Variants in HOOK2 observed in about 807,000 individuals in gnomAD.
HOOK2 encodes the protein protein Hook homolog 2.
Under a neutral mutation model 111.9 loss-of-function variants are expected in HOOK2, and 108 were observed. The observed-to-expected ratio is 0.96, with a 90% CI of 0.83 to 1.13. The LOEUF (loss-of-function observed/expected upper bound fraction) is 1.13. Among genes scored for constraint, HOOK2 ranks in the 50% most tolerant of loss-of-function variants. The pLI is 0.00. For synonymous variants in HOOK2, 405 were observed against 394.3 expected (o/e 1.03, Z -0.32); for missense variants, 978 against 951.3 (o/e 1.03, Z -0.37).
chr19:12,772,506 G>A, intron 6 of HOOK2, 107 bp downstream of exon 6: 2 of 1,271,286 alleles, frequency 1.6e-6, no homozygotes, highest in Non-Finnish European at 2.2e-6. Flanking sequence ...TGAGTTCCAG[G>A]CAGAGTCCAG....
chr19:12,791,563 A>G lies in HOOK2; in HGVS notation n.42-17338T>C, dbSNP rs17886698. ...TGGGGGAAACGACGCCAGGAAAGCT[A>G]TCGCGCCAGAGAGGGCGACGGGGGC... On this transcript the variant is annotated intron_variant and non_coding_transcript_variant, in intron 3 of 3. Coordinates refer to the HOOK2 transcript ENST00000589765. This position sits in a 1 kb window ranked among gnomAD's most constrained non-coding sequence, Gnocchi z 7.0. 22,692 of 492,628 alleles carry G rather than the reference A, an allele frequency of 0.046. 755 individuals are homozygous for G. Among genetic ancestry groups the G allele is most frequent in the African/African-American group, 0.12 (5,827 of 48,722 alleles). 30.5% of individuals were successfully genotyped at this position (492,628 alleles called of 1,614,324 possible).
intron 14 of HOOK2, 40 bp downstream of exon 14, chr19:12,767,355 A>T: frequency 6.3e-7 from 1 of 1,579,674 alleles, no homozygotes; most frequent in East Asian, 2.2e-5. Context: ...GGCCTTGGCA[A>T]GCCTGGGTGG....
At chr19:12,789,000 G>T (rs1968680866) in intron 3 of HOOK2, among the ~76,000 whole-genome samples, 1 of 152,136 alleles carries the variant, frequency 6.6e-6, no homozygotes, top group Admixed American at 6.5e-5. Flanking sequence ...ACTTCCCCCT[G>T]CCCCCACATA....
upstream of HOOK2, among the ~76,000 whole-genome samples, chr19:12,782,676 G>C (rs1968616397): frequency 6.6e-6 from 1 of 152,134 alleles, no homozygotes; most frequent in Non-Finnish European, 1.5e-5. Context: ...CGGTGGCGGG[G>C]GCTGGGCGAG....
At chr19:12,775,932 A>C (rs558911961), upstream of HOOK2, among the ~76,000 whole-genome samples, 17 of 125,444 alleles carry the variant, frequency 1.4e-4, no homozygotes, top group South Asian at 3.9e-3. Context: ...GCTGGAGTGC[A>C]GTGGCGCAAT....
chr19:12,769,295 T>G (rs2145747662), intron 11 of HOOK2, among the ~76,000 whole-genome samples: 1 of 151,274 alleles, frequency 6.6e-6, no homozygotes, highest in African/African-American at 2.4e-5. Context: ...AGAGACAGGG[T>G]TTTGCTATGT....
chr19:12,770,113 G>A (rs1599489100), intron 10 of HOOK2, 31 bp from the exon 11 acceptor site: 1 of 1,459,032 alleles, frequency 6.9e-7, no homozygotes, highest in South Asian at 1.3e-5. Context: ...GGGGAGGGCT[G>A]AGAGCTCTGA....
In HOOK2 at chr19:12,771,469, C is replaced by T; in HGVS notation, c.528G>A (p.Arg176=). 1 of 1,612,026 alleles carries T rather than the reference C, an allele frequency of 6.2e-7. No homozygotes were observed. Residue 176 remains arginine, a synonymous_variant, in exon 8 of 23, where the codon AGG becomes AGA. Transcript: ENST00000397668. ...CAGCCTCCTCACTTAGGAAATAGTA[C>T]CTGCGGGACTGCAGAGATGAGGGGG... ...TYGNFDSQSR[R]YYFLSEEAEE... is the part of the protein sequence containing the mutation.
chr19:12,774,879 G>T lies in HOOK2; in HGVS notation c.64C>A (p.Pro22Thr). The T allele has an allele frequency of 6.2e-7, 1 of 1,613,970 alleles. No individual in the cohort carries two copies. The highest frequency in any genetic ancestry group is 8.5e-7 in the Non-Finnish European group (1 of 1,179,886). Residue 22 changes from proline to threonine, a missense_variant, in exon 2 of 23, where the codon CCG (proline) becomes ACG (threonine). By Grantham distance (38) the Pro-to-Thr change is conservative. Around this residue, in one of 5 missense-constraint regions of HOOK2, gnomAD observed 301 missense variants for 286.1 expected, o/e 1.05. Coordinates refer to ENST00000397668, the MANE Select transcript of HOOK2 (RefSeq NM_013312.3). ...LLTWLQTFHV[P>T]SPCASPQDLS... Reference sequence around the variant, plus strand: ...TCCTGAGGGCTGGCACAGGGAGACGGAACGTGGAACGTCTGTAACTGAGGG... The same window carrying T: ...TCCTGAGGGCTGGCACAGGGAGACGTAACGTGGAACGTCTGTAACTGAGGG...
chr19:12,769,374 G>A (rs536725909), intron 11 of HOOK2, among the ~76,000 whole-genome samples: 7 of 152,154 alleles, frequency 4.6e-5, no homozygotes, highest in South Asian at 2.1e-4. Flanking sequence ...TGGGGTGCCC[G>A]CCTTGGCCTC....
At chr19:12,789,385 C>T (rs1270044746) in intron 3 of HOOK2, among the ~76,000 whole-genome samples, 1 of 152,052 alleles carries the variant, frequency 6.6e-6, no homozygotes, top group Non-Finnish European at 1.5e-5. Context: ...CTTAGATTTT[C>T]AGGTCTTCTC....
chr19:12,775,873 C>CTTTTTTTTTTTTTT (rs775787302), upstream of HOOK2, among the ~76,000 whole-genome samples: 1 of 103,848 alleles, frequency 9.6e-6, no homozygotes, highest in Non-Finnish European at 1.8e-5. Context: ...TAAGTAAATT[C>CTTTTTTTTTTTTTT]TTTTTTTTTT....
rs927408389 is a variant in HOOK2 at position 12,767,248 on chromosome 19, G to A, written c.1373+147C>T. Reference sequence around the variant, plus strand: ...GGTAGGGCTGGACAGAGCCAAATCAGGAGTAAGTGGGCCTAGGAGCCCGGC... The same window carrying A: ...GGTAGGGCTGGACAGAGCCAAATCAAGAGTAAGTGGGCCTAGGAGCCCGGC... On this transcript the variant is annotated intron_variant, in intron 14 of 22. Transcript: ENST00000397668. 4 of 655,442 alleles carry A rather than the reference G, an allele frequency of 6.1e-6. No homozygotes were observed. In the African/African-American group the frequency reaches 7.2e-5, roughly 12 times the overall value. 40.6% of individuals were successfully genotyped at this position (655,442 alleles called of 1,614,324 possible). A position where few individuals can be genotyped will look rare whatever the true frequency, so the allele number is the denominator to read the frequency against.
chr19:12,788,974 G>A (rs2145801748), intron 3 of HOOK2, among the ~76,000 whole-genome samples: 1 of 152,246 alleles, frequency 6.6e-6, no homozygotes, highest in Non-Finnish European at 1.5e-5. Flanking sequence ...CTCCAGCAAG[G>A]CCACTGCACT....
At chr19:12,764,651 C>T (rs1968096118) in intron 20 of HOOK2, 163 bp downstream of exon 20, 1 of 667,912 alleles carries the variant, frequency 1.5e-6, no homozygotes, top group African/African-American at 1.8e-5. Context: ...TTTAATGTGA[C>T]AATCAGTAGC....
At chr19:12,782,147 C>T (rs1968608646), upstream of HOOK2, among the ~76,000 whole-genome samples, 1 of 152,236 alleles carries the variant, frequency 6.6e-6, no homozygotes, top group Admixed American at 6.5e-5. Flanking sequence ...TGAGCCACTG[C>T]GCCCGTCCTA....
chr19:12,764,075 C>A (rs1425734586), intron 20 of HOOK2, among the ~76,000 whole-genome samples: 1 of 152,122 alleles, frequency 6.6e-6, no homozygotes, highest in Non-Finnish European at 1.5e-5. Context: ...AGTGAAGTGG[C>A]GCACTCTCAG....
intron 3 of HOOK2, among the ~76,000 whole-genome samples, chr19:12,787,755 C>A (rs1968671333): frequency 6.6e-6 from 1 of 151,968 alleles, no homozygotes; most frequent in African/African-American, 2.4e-5. Context: ...GTGAGGTTCT[C>A]TTTAAAAAAA....
Position 12,791,819 on chromosome 19 carries a change from AGCTACGG to A in HOOK2, n.42-17601_42-17595del. 1 of 1,613,446 alleles carries A rather than the reference AGCTACGG, an allele frequency of 6.2e-7. No individual in the cohort carries two copies. Among genetic ancestry groups the A allele is most frequent in the East Asian group, 2.2e-5 (1 of 44,850 alleles). On this transcript the variant is annotated intron_variant and non_coding_transcript_variant, in intron 3 of 3. Coordinates refer to the HOOK2 transcript ENST00000589765. The surrounding 1 kb of genome is among the most constrained non-coding windows in gnomAD (Gnocchi z 7.0). ...CCTTCTACCACGACGACTCATACAC[AGCTACGG>A]GATACGGCCGGGCCCCTGGTGGCCT... is the stretch of plus-strand genomic sequence containing the variant.
Sources: gnomAD v4.1 joint callset for allele counts (sites outside exome capture counted in the v4.1 genomes callset) on GRCh38, gnomAD v4.1.1 for gene constraint, gnomAD v4.1.1 regional missense constraint, Gnocchi (gnomAD v3.1) non-coding constraint, MANE v1.5 for transcripts, NCBI Gene and HGNC (gene_info 2026-07-23, HGNC 2026-07-21) for gene names.